LRMDA: variants seen among roughly 807,000 people sequenced by gnomAD.
LRMDA encodes the protein leucine-rich melanocyte differentiation-associated protein.
In LRMDA, 18 loss-of-function variants were observed where a neutral mutation model predicts 29.8. That is an observed-to-expected ratio of 0.60 (90% CI 0.42 to 0.90). LRMDA has a LOEUF of 0.90. Among genes scored for constraint, LRMDA ranks in the 40% least tolerant of loss-of-function variants. LRMDA has a pLI of 0.00. For synonymous variants in LRMDA, 125 were observed against 109.4 expected (o/e 1.14, Z -0.89); for missense variants, 273 against 273.9 (o/e 1.00, Z 0.02).
At chr10:75,770,276 G>A (rs1843222548) in intron 2 of LRMDA, among the ~76,000 whole-genome samples, 1 of 152,184 alleles carries the variant, frequency 6.6e-6, no homozygotes, top group Non-Finnish European at 1.5e-5. Context: ...GGGTGTCTGA[G>A]TGAGACCCTG....
chr10:75,562,785 G>A (rs933240603), intron 2 of LRMDA, among the ~76,000 whole-genome samples: 1 of 151,934 alleles, frequency 6.6e-6, no homozygotes, highest in African/African-American at 2.4e-5. Context: ...TCCTTCACTT[G>A]TGAAGCTTAG....
At chr10:76,321,336 C>G (rs767123369) in intron 5 of LRMDA, among the ~76,000 whole-genome samples, 8 of 152,164 alleles carry the variant, frequency 5.3e-5, no homozygotes, top group Non-Finnish European at 1.0e-4. Flanking sequence ...TTTGTTCTCA[C>G]TAGTACCTGC....
At chr10:76,250,311 G>T (rs1206197824) in intron 5 of LRMDA, among the ~76,000 whole-genome samples, 1 of 152,144 alleles carries the variant, frequency 6.6e-6, no homozygotes, top group Non-Finnish European at 1.5e-5. Flanking sequence ...CCTATAAATT[G>T]AGACTCTACT....
At chr10:75,989,083 C>T (rs546968101) in intron 2 of LRMDA, among the ~76,000 whole-genome samples, 9 of 151,748 alleles carry the variant, frequency 5.9e-5, no homozygotes, top group Admixed American at 1.3e-4. Flanking sequence ...CCTTCCATTG[C>T]GGGAATCCAA....
intron 5 of LRMDA, among the ~76,000 whole-genome samples, chr10:76,070,910 G>A (rs1223843823): frequency 6.6e-6 from 1 of 152,122 alleles, no homozygotes; most frequent in Admixed American, 6.5e-5. Context: ...GGCATGGGAG[G>A]AGTAAGCATG....
chr10:76,220,883 G>A (rs868242909), intron 5 of LRMDA, among the ~76,000 whole-genome samples: 53 of 152,198 alleles, frequency 3.5e-4, no homozygotes, highest in Admixed American at 1.3e-3. Flanking sequence ...TAAAATACTG[G>A]CAAACCGAAT....
At chr10:76,332,368 A>T (rs1158986750) in intron 6 of LRMDA, among the ~76,000 whole-genome samples, 2 of 152,016 alleles carry the variant, frequency 1.3e-5, no homozygotes, top group African/African-American at 2.4e-5. Context: ...TCCAAGGATG[A>T]TTTTTCATTT....
At chr10:75,467,613 A>C (rs2132042711) in intron 2 of LRMDA, among the ~76,000 whole-genome samples, 1 of 152,150 alleles carries the variant, frequency 6.6e-6, no homozygotes, top group South Asian at 2.1e-4. Flanking sequence ...TTCCTGGAAG[A>C]CCCCATGCTT....
intron 2 of LRMDA, among the ~76,000 whole-genome samples, chr10:75,463,319 GT>G (rs1172987373): frequency 6.6e-6 from 1 of 152,140 alleles, no homozygotes. Context: ...CTGAGACTGA[GT>G]TTCTAACAAG....
At chr10:75,607,125 A>C (rs1186220103) in intron 2 of LRMDA, among the ~76,000 whole-genome samples, 1 of 152,230 alleles carries the variant, frequency 6.6e-6, no homozygotes, top group African/African-American at 2.4e-5. Context: ...GAACAGTTTT[A>C]ATGACTAGTT....
intron 5 of LRMDA, among the ~76,000 whole-genome samples, chr10:76,299,524 T>G (rs531771491): frequency 6.6e-6 from 1 of 152,036 alleles, no homozygotes; most frequent in African/African-American, 2.4e-5. Context: ...CCGTGCTCCC[T>G]TCCCTTTTTA....
intron 2 of LRMDA, among the ~76,000 whole-genome samples, chr10:75,972,343 A>G (rs1846989487): frequency 6.6e-6 from 1 of 152,034 alleles, no homozygotes; most frequent in African/African-American, 2.4e-5. Context: ...AGGGAAGACT[A>G]TCTAGCTGAC....
chr10:76,130,457 C>T (rs949209981), intron 5 of LRMDA, among the ~76,000 whole-genome samples: 1 of 152,030 alleles, frequency 6.6e-6, no homozygotes, highest in Admixed American at 6.6e-5. Flanking sequence ...GGAGACTGAT[C>T]ATTTGTTAGC....
intron 2 of LRMDA, chr10:75,552,466 T>C (rs1173607431): frequency 2.7e-6 from 1 of 373,062 alleles, no homozygotes; most frequent in Non-Finnish European, 5.7e-6. Flanking sequence ...ACTGTATCCT[T>C]GGTTTTTAGT....
chr10:76,193,263 G>T (rs12249157), intron 5 of LRMDA, among the ~76,000 whole-genome samples: 22,191 of 152,152 alleles, frequency 0.15, 4,120 homozygotes, highest in African/African-American at 0.43. Flanking sequence ...CTCCATTAAA[G>T]TATCACTGTT....
intron 2 of LRMDA, among the ~76,000 whole-genome samples, chr10:75,558,937 G>A (rs1371861322): frequency 1.4e-5 from 2 of 147,610 alleles, no homozygotes; most frequent in Non-Finnish European, 3.0e-5. Context: ...ATCATTGTTG[G>A]ACATTTGGGT....
chr10:75,916,737 T>A (rs1252547959), intron 2 of LRMDA, among the ~76,000 whole-genome samples: 1 of 152,204 alleles, frequency 6.6e-6, no homozygotes, highest in African/African-American at 2.4e-5. Flanking sequence ...AAGTTCTCCA[T>A]CTCCAGGTGC....
At chr10:75,783,423 A>G (rs892746071) in intron 2 of LRMDA, among the ~76,000 whole-genome samples, 3 of 151,850 alleles carry the variant, frequency 2.0e-5, no homozygotes, top group African/African-American at 7.3e-5. Flanking sequence ...TTAATTTGGG[A>G]ATTAGCTAGA....
At chr10:75,872,057 G>A (rs192009110) in intron 2 of LRMDA, among the ~76,000 whole-genome samples, 1 of 152,236 alleles carries the variant, frequency 6.6e-6, no homozygotes, top group Admixed American at 6.5e-5. Flanking sequence ...ACTTGACAAA[G>A]CACCCCATCT....
Sources: allele counts gnomAD v4.1 joint callset (sites outside exome capture counted in the v4.1 genomes callset), GRCh38; gene constraint gnomAD v4.1.1; transcripts MANE v1.5; gene names NCBI Gene and HGNC (gene_info 2026-07-23, HGNC 2026-07-21).